CCSER1: variants seen among roughly 807,000 people sequenced by gnomAD.
CCSER1 encodes serine-rich coiled-coil domain-containing protein 1.
In CCSER1, 41 loss-of-function variants were observed where a neutral mutation model predicts 82.0. That is an observed-to-expected ratio of 0.50 (90% CI 0.39 to 0.65). The LOEUF is 0.65. Ranked by LOEUF, CCSER1 falls within the 30% of genes least tolerant of loss-of-function variation. CCSER1 has a pLI of 0.00. For synonymous variants in CCSER1, 414 were observed against 383.9 expected (o/e 1.08, Z -0.92); for missense variants, 1,119 against 1,064.2 (o/e 1.05, Z -0.72).
At chr4:90,345,000 T>C (rs181090984) in intron 3 of CCSER1, among the ~76,000 whole-genome samples, 1 of 152,228 alleles carries the variant, frequency 6.6e-6, no homozygotes, top group Non-Finnish European at 1.5e-5. Flanking sequence ...TTGATTCCCA[T>C]GTTTGACAGT....
intron 9 of CCSER1, among the ~76,000 whole-genome samples, chr4:91,000,978 G>C (rs905290103): frequency 1.3e-5 from 2 of 152,142 alleles, no homozygotes; most frequent in African/African-American, 4.8e-5. Flanking sequence ...GGGGTGCTGA[G>C]AGAGGGCATC....
intron 6 of CCSER1, among the ~76,000 whole-genome samples, chr4:90,633,121 G>A (rs1724748867): frequency 6.6e-6 from 1 of 151,972 alleles, no homozygotes; most frequent in Non-Finnish European, 1.5e-5. Flanking sequence ...TTGTGAACTT[G>A]TACCTTGTTA....
At chr4:91,300,852 CA>C (rs935280387) in intron 10 of CCSER1, among the ~76,000 whole-genome samples, 18 of 151,952 alleles carry the variant, frequency 1.2e-4, no homozygotes, top group Non-Finnish European at 2.1e-4. Flanking sequence ...CTCTTTGATT[CA>C]AACTGTGTTC....
intron 9 of CCSER1, among the ~76,000 whole-genome samples, chr4:91,051,514 G>C (rs1365796215): frequency 6.6e-6 from 1 of 152,020 alleles, no homozygotes; most frequent in African/African-American, 2.4e-5. Flanking sequence ...CTTTCAAACT[G>C]TTCCTAAAAA....
intron 10 of CCSER1, among the ~76,000 whole-genome samples, chr4:91,239,008 T>G (rs1560536744): frequency 6.6e-6 from 1 of 152,006 alleles, no homozygotes; most frequent in Non-Finnish European, 1.5e-5. Context: ...GTATTTTTAG[T>G]AGAGACAGGT....
intron 8 of CCSER1, among the ~76,000 whole-genome samples, chr4:90,867,194 G>C (rs1413141335): frequency 1.3e-5 from 2 of 151,960 alleles, no homozygotes; most frequent in Admixed American, 6.6e-5. Context: ...GACTTGACAG[G>C]CTCTTCATAA....
rs573089559 is a variant in CCSER1, at chr4:90,430,867, G to A, written c.1603+30738G>A. On this transcript the variant is annotated intron_variant, in intron 4 of 10. Coordinates refer to ENST00000509176, the MANE Select transcript of CCSER1 (RefSeq NM_001145065.2). ...TCTTTCTGTAATGCTGGCTTAAAAA[G>A]GCATATGCTCAAATTTTAATAATTT... 2.6e-5 allele frequency among the ~76,000 whole-genome samples: 4 copies of A among 151,934 alleles called. 1 individual carries two copies. In the South Asian group the frequency reaches 8.3e-4, roughly 32 times the overall value.
At chr4:90,618,009 G>A (rs1014782888) in intron 5 of CCSER1, among the ~76,000 whole-genome samples, 5 of 151,986 alleles carry the variant, frequency 3.3e-5, no homozygotes, top group African/African-American at 1.2e-4. Context: ...CCTTGACTTG[G>A]TGTAATATGG....
rs1242143867 is a variant in CCSER1, at chr4:91,275,989, G to T, written c.2217+189995G>T. Among the ~76,000 whole-genome samples, 4 of 152,018 alleles carry T rather than the reference G, an allele frequency of 2.6e-5. No homozygotes were observed. In the East Asian group the frequency reaches 7.7e-4, roughly 29 times the overall value. On this transcript the variant is annotated intron_variant, in intron 10 of 10. Transcript: ENST00000509176. ...CTATAAAAACATGGATTTATCTGGG[G>T]TTCTCTATTCTATTCCATCAGTCTA...
At chr4:90,623,359 G>C (rs917812411) in intron 5 of CCSER1, among the ~76,000 whole-genome samples, 1 of 151,704 alleles carries the variant, frequency 6.6e-6, no homozygotes, top group Non-Finnish European at 1.5e-5. Flanking sequence ...TTTTTTTATG[G>C]AGATAGAACA....
intron 8 of CCSER1, among the ~76,000 whole-genome samples, chr4:90,822,619 T>C (rs1336948198): frequency 1.3e-5 from 2 of 149,872 alleles, no homozygotes. Context: ...TCCCAGCCAC[T>C]CCCGAGGCTG....
intron 10 of CCSER1, among the ~76,000 whole-genome samples, chr4:91,491,561 A>G (rs774919543): frequency 6.6e-6 from 1 of 152,162 alleles, no homozygotes; most frequent in South Asian, 2.1e-4. Flanking sequence ...TGGCCACAGC[A>G]TAGGTAAAAC....
At chr4:90,175,413 A>G (rs1732480535) in intron 1 of CCSER1, among the ~76,000 whole-genome samples, 1 of 151,976 alleles carries the variant, frequency 6.6e-6, no homozygotes, top group African/African-American at 2.4e-5. Context: ...AGAAACCTTT[A>G]GAGTTGATAG....
chr4:90,176,833 A>C (rs980715672), intron 1 of CCSER1, among the ~76,000 whole-genome samples: 1 of 152,116 alleles, frequency 6.6e-6, no homozygotes, highest in Non-Finnish European at 1.5e-5. Context: ...TCTGAAGAGT[A>C]TAATAAATCA....
chr4:90,188,914 G>A (rs938799607), intron 1 of CCSER1, among the ~76,000 whole-genome samples: 1 of 151,942 alleles, frequency 6.6e-6, no homozygotes, highest in African/African-American at 2.4e-5. Context: ...TGATGAACCT[G>A]ATTAAGCATT....
In CCSER1 at chr4:91,587,070, C is replaced by T. The variant is rs143431772; in HGVS notation, c.2218-11502C>T. 2.7e-3 allele frequency among the ~76,000 whole-genome samples: 412 copies of T among 151,808 alleles called. 1 individual carries two copies. Among genetic ancestry groups the T allele is most frequent in the African/African-American group, 9.5e-3 (393 of 41,500 alleles). On this transcript the variant is annotated intron_variant, in intron 10 of 10. Coordinates refer to ENST00000509176, the MANE Select transcript of CCSER1 (RefSeq NM_001145065.2). The stretch of plus-strand genomic sequence containing the variant: ...GGACTAGTTTTAGATTTTGACACTC[C>T]TCAGATACCTCTTCTCTCACAGTTA...
At chr4:90,586,061 T>C (rs76255026) in intron 5 of CCSER1, among the ~76,000 whole-genome samples, 1 of 152,184 alleles carries the variant, frequency 6.6e-6, no homozygotes, top group South Asian at 2.1e-4. Flanking sequence ...ATCCCTGATA[T>C]CAGTCTGTGG....
Position 91,066,616 on chromosome 4 carries a change from G to A in CCSER1, c.2173-19334G>A, listed in dbSNP as rs115564642. ...AGATAATTATTCTTCTGCGTAACTGGAGAAGTAGAACAAATACTGACATCA... is the reference window on the plus strand; with the variant it reads ...AGATAATTATTCTTCTGCGTAACTGAAGAAGTAGAACAAATACTGACATCA... On this transcript the variant is annotated intron_variant, in intron 9 of 10. Coordinates refer to ENST00000509176, the MANE Select transcript of CCSER1 (RefSeq NM_001145065.2). 2.9e-3 allele frequency among the ~76,000 whole-genome samples: 445 copies of A among 152,270 alleles called. 2 individuals are homozygous for A. The highest frequency in any genetic ancestry group is 0.01 in the African/African-American group (420 of 41,556).
chr4:90,904,485 C>T lies in CCSER1; in HGVS notation c.2095-18885C>T, dbSNP rs1217656852. Among the ~76,000 whole-genome samples the T allele has an allele frequency of 4.6e-5, 7 of 152,038 alleles. 1 individual carries two copies. On this transcript the variant is annotated intron_variant, in intron 8 of 10. Coordinates refer to ENST00000509176, the MANE Select transcript of CCSER1 (RefSeq NM_001145065.2). Reference sequence around the variant, plus strand: ...ACTTATTTTCTTTTTATTCCTTATACCATAATTGCCAGAAAGGTTTCCTAT... The same window carrying T: ...ACTTATTTTCTTTTTATTCCTTATATCATAATTGCCAGAAAGGTTTCCTAT...
Sources: allele counts gnomAD v4.1 joint callset (sites outside exome capture counted in the v4.1 genomes callset), GRCh38; gene constraint gnomAD v4.1.1; transcripts MANE v1.5; gene names NCBI Gene and HGNC (gene_info 2026-07-23, HGNC 2026-07-21).